The following MDH2 variants were observed in gnomAD, a reference collection of about 807,000 sequenced individuals.
MDH2 encodes malate dehydrogenase, mitochondrial.
MDH2 carries 25 observed loss-of-function variants against 33.6 expected under a neutral mutation model. The ratio of observed to expected loss-of-function variants is 0.74; its 90% CI spans 0.54 to 1.04. The LOEUF is 1.04. Ranked by LOEUF, MDH2 falls within the 50% of genes least tolerant of loss-of-function variation. The pLI is 0.00. For missense variants in MDH2, 432 were observed against 445.0 expected, an observed-to-expected ratio of 0.97 and a Z score of 0.26; for synonymous variants, 193 against 188.7, an observed-to-expected ratio of 1.02 and a Z score of -0.19.
At position 76,060,479 on chromosome 7, in the gene MDH2, C is replaced by T; in HGVS notation, c.536C>T (p.Thr179Ile). Residue 179 changes from threonine to isoleucine, a missense_variant, in exon 5 of 9, where the codon ACC (threonine) becomes ATC (isoleucine). Thr to Ile is a moderately conservative substitution (Grantham distance 89). Coordinates refer to ENST00000315758, the MANE Select transcript of MDH2 (RefSeq NM_005918.4). Reference sequence around the variant, plus strand: ...ACCCTGGACATCGTCAGAGCCAACACCTTTGTTGCAGAGCTGAAGGTAAGG... The same window carrying T: ...ACCCTGGACATCGTCAGAGCCAACATCTTTGTTGCAGAGCTGAAGGTAAGG... ...VTTLDIVRAN[T>I]FVAELKGLDP... 3.1e-6 allele frequency: 5 copies of T among 1,614,140 alleles called. No individual in the cohort carries two copies. Among genetic ancestry groups the T allele is most frequent in the South Asian group, 1.1e-5 (1 of 91,076 alleles).
At chr7:76,064,678 G>C (rs1034969997) in intron 7 of MDH2, 124 bp from the exon 8 acceptor site, 49 of 1,129,810 alleles carry the variant, frequency 4.3e-5, no homozygotes, top group South Asian at 4.8e-5. Context: ...AAGAAATCGG[G>C]GTGCTGACTG....
At chr7:76,057,182 G>A (rs1434132587) in intron 2 of MDH2, among the ~76,000 whole-genome samples, 2 of 152,136 alleles carry the variant, frequency 1.3e-5, no homozygotes, top group African/African-American at 2.4e-5. Flanking sequence ...CATTCTAGCT[G>A]GGGCCTGGGC....
At chr7:76,049,264 C>T (rs1797506210) in intron 1 of MDH2, among the ~76,000 whole-genome samples, 1 of 152,146 alleles carries the variant, frequency 6.6e-6, no homozygotes, top group South Asian at 2.1e-4. Context: ...GTATTTTCAA[C>T]TTGCAATGGG....
chr7:76,049,925 A>C (rs1554585141), intron 1 of MDH2, among the ~76,000 whole-genome samples: 2 of 151,940 alleles, frequency 1.3e-5, no homozygotes, highest in Admixed American at 1.3e-4. Flanking sequence ...TCCACCTCCC[A>C]GGTTGGAGCG....
chr7:76,049,302 G>A (rs1797512240), intron 1 of MDH2, among the ~76,000 whole-genome samples: 1 of 152,152 alleles, frequency 6.6e-6, no homozygotes, highest in South Asian at 2.1e-4. Context: ...ATTGTAAGTT[G>A]AATGTACCAA....
chr7:76,052,562 A>ATTTT (rs781982527), intron 1 of MDH2, among the ~76,000 whole-genome samples: 1 of 133,226 alleles, frequency 7.5e-6, no homozygotes, highest in Non-Finnish European at 1.6e-5. Flanking sequence ...GCTTTGGAAG[A>ATTTT]TTTTTTTTTT....
chr7:76,063,535 C>T lies in MDH2; in HGVS notation c.576C>T (p.Val192=), dbSNP rs782663153. The T allele has an allele frequency of 1.2e-5, 20 of 1,614,244 alleles. No individual in the cohort carries two copies. The highest frequency in any genetic ancestry group is 1.7e-5 in the Non-Finnish European group (20 of 1,180,034). The stretch of plus-strand genomic sequence containing the variant: ...ACCAGGGTTTGGATCCAGCTCGAGT[C>T]AACGTCCCTGTCATTGGTGGCCATG... The part of the protein sequence containing the change: ...AELKGLDPAR[V]NVPVIGGHAG... The change falls in exon 6 of 9, where the codon GTC becomes GTT. Residue 192 remains valine, a synonymous_variant. Coordinates refer to ENST00000315758, the MANE Select transcript of MDH2 (RefSeq NM_005918.4).
intron 1 of MDH2, among the ~76,000 whole-genome samples, chr7:76,052,423 C>A (rs1797652595): frequency 1.3e-5 from 1 of 75,274 alleles, no homozygotes. Context: ...AGAGGGAGAC[C>A]CTATCTCAAA....
At chr7:76,061,573 A>C (rs1291646927) in intron 5 of MDH2, among the ~76,000 whole-genome samples, 1 of 152,128 alleles carries the variant, frequency 6.6e-6, no homozygotes, top group Non-Finnish European at 1.5e-5. Context: ...CCAGGAGTTC[A>C]AGACTGCAAT....
chr7:76,059,526 C>T (rs923005770), intron 4 of MDH2, among the ~76,000 whole-genome samples: 3 of 152,218 alleles, frequency 2.0e-5, no homozygotes, highest in Non-Finnish European at 2.9e-5. Flanking sequence ...ACTGAGAGGG[C>T]GGCCATGGTT....
intron 1 of MDH2, among the ~76,000 whole-genome samples, chr7:76,049,322 C>T (rs915603193): frequency 6.6e-6 from 1 of 152,126 alleles, no homozygotes; most frequent in Non-Finnish European, 1.5e-5. Flanking sequence ...AATGCTTTTG[C>T]GCTGCGGTGA....
chr7:76,048,461 A>G, intron 1 of MDH2: 2 of 1,182,984 alleles, frequency 1.7e-6, no homozygotes, highest in Non-Finnish European at 2.2e-6. Flanking sequence ...TCCATTTGTC[A>G]GGGTTCCCCC....
At position 76,066,545 on chromosome 7, in the gene MDH2, G is replaced by A. The variant is rs1554587946; in HGVS notation, c.*135G>A. On this transcript the variant is annotated 3_prime_UTR_variant, in exon 9 of 9. Transcript: ENST00000315758. ...TTGACATCATCATGCCTTCCAAATT[G>A]TGGGTGGCTCTGTGGGCGCATCAAT... The A allele has an allele frequency of 2.0e-5, 23 of 1,145,820 alleles. No homozygotes were observed. The East Asian group carries it at 6.6e-4, about 33-fold the overall frequency. The allele number at this position is 1,145,820 out of a possible 1,614,324, so 71.0% of individuals were successfully genotyped here.
In MDH2 at chr7:76,048,203, C is replaced by T; in HGVS notation, c.43C>T (p.Arg15Cys). 1 of 1,536,320 alleles carries T rather than the reference C, an allele frequency of 6.5e-7. No homozygotes were observed. Among genetic ancestry groups the T allele is most frequent in the Non-Finnish European group, 8.7e-7 (1 of 1,146,844 alleles). ...CCGGCCTGCCAGCGCTGCTCTCCGC[C>T]GCAGCTTCAGCACCTCGGCCCAGGT... ...LARPASAALR[R>C]SFSTSAQNNA... The change falls in exon 1 of 9, where the codon CGC becomes TGC. Residue 15 changes from arginine (R) to cysteine (C), a missense_variant. By Grantham distance (180) the Arg-to-Cys change is radical (BLOSUM62 -3). Coordinates refer to ENST00000315758, the MANE Select transcript of MDH2 (RefSeq NM_005918.4).
intron 2 of MDH2, 78 bp downstream of exon 2, chr7:76,055,076 G>C: frequency 6.8e-7 from 1 of 1,471,662 alleles, no homozygotes; most frequent in Admixed American, 2.3e-5. Context: ...AAGATTCTTA[G>C]ATGAAACTAA....
At chr7:76,050,406 A>T (rs1299227082) in intron 1 of MDH2, among the ~76,000 whole-genome samples, 1 of 152,248 alleles carries the variant, frequency 6.6e-6, no homozygotes, top group Admixed American at 6.5e-5. Flanking sequence ...AAGGAAGCAG[A>T]GATCACATCA....
intron 5 of MDH2, among the ~76,000 whole-genome samples, chr7:76,060,821 C>T (rs1225848283): frequency 6.6e-6 from 1 of 151,932 alleles, no homozygotes; most frequent in Non-Finnish European, 1.5e-5. Flanking sequence ...CCCAGTCCTC[C>T]CCTTTCTCCT....
chr7:76,061,293 G>A (rs1464900276), intron 5 of MDH2, among the ~76,000 whole-genome samples: 3 of 152,182 alleles, frequency 2.0e-5, no homozygotes, highest in Non-Finnish European at 4.4e-5. Flanking sequence ...CTTGGCCTCC[G>A]TTTTACTCCC....
intron 8 of MDH2, 99 bp from the exon 9 acceptor site, chr7:76,066,178 TAG>T (rs1238946587): frequency 2.1e-6 from 3 of 1,461,592 alleles, no homozygotes; most frequent in Non-Finnish European, 2.8e-6. Flanking sequence ...CCCGCATGTG[TAG>T]AGAGACTCCT....
Sources: gnomAD v4.1 joint callset for allele counts (sites outside exome capture counted in the v4.1 genomes callset) on GRCh38, gnomAD v4.1.1 for gene constraint, MANE v1.5 for transcripts, NCBI Gene and HGNC (gene_info 2026-07-23, HGNC 2026-07-21) for gene names.